The following FLI1 variants were observed in gnomAD, a reference collection of about 807,000 sequenced individuals.
FLI1 encodes Friend leukemia integration 1 transcription factor.
Under a neutral mutation model 53.1 loss-of-function variants are expected in FLI1, and 13 were observed. The observed-to-expected ratio is 0.24, with a 90% CI of 0.16 to 0.39. The LOEUF is 0.39. FLI1 is among the 10% of genes least tolerant of loss of function. FLI1 has a pLI of 1.00. For missense variants in FLI1, 424 were observed against 600.5 expected (o/e 0.71, Z 3.07); for synonymous variants, 244 against 236.7 (o/e 1.03, Z -0.28).
chr11:128,767,980 A>G, intron 2 of FLI1, 138 bp from the exon 3 acceptor site: 1 of 686,250 alleles, frequency 1.5e-6, no homozygotes, highest in Non-Finnish European at 2.4e-6. Context: ...AGAGGGCATC[A>G]TCATCATCAT....
intron 1 of FLI1, among the ~76,000 whole-genome samples, chr11:128,753,843 C>A (rs1940750414): frequency 6.6e-6 from 1 of 152,212 alleles, no homozygotes; most frequent in South Asian, 2.1e-4. Flanking sequence ...TTGGAGAGGG[C>A]TCCCTACTAC....
At chr11:128,792,275 T>C (rs1001216250) in intron 5 of FLI1, among the ~76,000 whole-genome samples, 2 of 152,132 alleles carry the variant, frequency 1.3e-5, no homozygotes, top group Non-Finnish European at 2.9e-5. Context: ...ACCACCCCCA[T>C]CATGCATTTC....
Position 128,811,925 on chromosome 11 carries a change from C to T in FLI1, c.*937C>T, listed in dbSNP as rs956914905. ...TAAATAAACGAGTTGACCTCGGTCA[C>T]AAAAGCAGTTTTACTATCGAATCAA... On this transcript the variant is annotated 3_prime_UTR_variant, in exon 9 of 9. Transcript: ENST00000527786. The T allele has an allele frequency of 5.0e-6, 1 of 199,958 alleles. No homozygotes were observed. 12.4% of individuals were successfully genotyped at this position (199,958 alleles called of 1,614,324 possible). A position where few individuals can be genotyped will look rare whatever the true frequency, so the allele number is the denominator to read the frequency against.
At position 128,782,022 on chromosome 11, in the gene FLI1, A is replaced by G. The variant is rs374117160; in HGVS notation, c.654A>G (p.Glu218=). 1.4e-4 allele frequency: 223 copies of G among 1,613,328 alleles called. 1 individual carries two copies. In the South Asian group the frequency reaches 2.3e-3, roughly 17 times the overall value. The change falls in exon 5 of 9, where the codon GAA becomes GAG. Residue 218 remains glutamate, a splice_region_variant and synonymous_variant. Transcript: ENST00000527786. ...AATCCTCACGATTGAGTGTCAAAGA[A>G]GGTAAGTTTGTTCTTTTGTGCACTT... ...TDQSSRLSVK[E]DPSYDSVRRG...
At chr11:128,764,526 C>G in intron 2 of FLI1, 1 of 891,046 alleles carries the variant, frequency 1.1e-6, no homozygotes, top group Non-Finnish European at 1.7e-6. Context: ...GCCAGTGGGC[C>G]CCAGCCCCAT....
intron 1 of FLI1, among the ~76,000 whole-genome samples, chr11:128,754,734 G>A (rs376522400): frequency 1.9e-4 from 29 of 152,202 alleles, no homozygotes; most frequent in African/African-American, 5.8e-4. Context: ...GCCAGGGAGC[G>A]CACAAGGTGT....
intron 1 of FLI1, among the ~76,000 whole-genome samples, chr11:128,756,280 G>C (rs994146528): frequency 1.3e-5 from 2 of 152,170 alleles, no homozygotes; most frequent in African/African-American, 4.8e-5. Context: ...TTTCCTCAGA[G>C]GCCTCTCTCC....
At position 128,742,842 on chromosome 11, in the gene FLI1, G is replaced by A. The variant is rs150398686; in HGVS notation, c.19-15273G>A. ...GCATTTGTTGGTTTTACGTGGAATCGTCAGCACATTTTACAGGCCATTCAG... is the reference window on the plus strand; with the variant it reads ...GCATTTGTTGGTTTTACGTGGAATCATCAGCACATTTTACAGGCCATTCAG... On this transcript the variant is annotated intron_variant, in intron 1 of 8. Transcript: ENST00000527786. Among the ~76,000 whole-genome samples the A allele has an allele frequency of 4.8e-3, 724 of 152,280 alleles. 5 individuals are homozygous for A. The highest frequency in any genetic ancestry group is 0.016 in the African/African-American group (658 of 41,552).
At chr11:128,784,172 G>T (rs567219729) in intron 5 of FLI1, among the ~76,000 whole-genome samples, 1 of 151,118 alleles carries the variant, frequency 6.6e-6, no homozygotes, top group Admixed American at 6.6e-5. Context: ...CAGATATAGG[G>T]TTTAGTTTAG....
chr11:128,725,818 C>T (rs1419044094), intron 1 of FLI1, among the ~76,000 whole-genome samples: 1 of 152,106 alleles, frequency 6.6e-6, no homozygotes, highest in East Asian at 1.9e-4. Context: ...AGTGGCAGTC[C>T]GTGCAGGAGA....
intron 4 of FLI1, among the ~76,000 whole-genome samples, chr11:128,773,214 G>A (rs150961013): frequency 6.6e-6 from 1 of 152,296 alleles, no homozygotes; most frequent in East Asian, 1.9e-4. Context: ...GTAGAGAGCT[G>A]TGACCTGGAG....
At chr11:128,697,401 G>A (rs1469944266) in intron 1 of FLI1, among the ~76,000 whole-genome samples, 5 of 152,204 alleles carry the variant, frequency 3.3e-5, no homozygotes, top group East Asian at 1.9e-4. Flanking sequence ...CTACCTAGTA[G>A]CTGTGTGCCT....
chr11:128,686,311 T>A (rs1370294026), upstream of FLI1: 1 of 455,862 alleles, frequency 2.2e-6, no homozygotes, highest in African/African-American at 2.0e-5. Context: ...GCATCCCCAG[T>A]TCGAAACTGC....
intron 1 of FLI1, chr11:128,748,320 G>T: frequency 1.1e-6 from 1 of 929,888 alleles, no homozygotes; most frequent in South Asian, 5.0e-5. Context: ...CACTTGGGAG[G>T]GGGAATGATG....
At chr11:128,717,968 A>G (rs1378720743) in intron 1 of FLI1, among the ~76,000 whole-genome samples, 1 of 152,222 alleles carries the variant, frequency 6.6e-6, no homozygotes, top group Non-Finnish European at 1.5e-5. Context: ...AAGGATCTCT[A>G]AGGTGTTGCT....
chr11:128,721,803 T>C (rs1000582027), intron 1 of FLI1, among the ~76,000 whole-genome samples: 1 of 152,196 alleles, frequency 6.6e-6, no homozygotes, highest in East Asian at 1.9e-4. Flanking sequence ...CGCTCCAGGC[T>C]CTCTAGAAGG....
At chr11:128,711,676 T>C (rs1045303733) in intron 1 of FLI1, among the ~76,000 whole-genome samples, 1 of 152,200 alleles carries the variant, frequency 6.6e-6, no homozygotes, top group African/African-American at 2.4e-5. Context: ...GCGATTTCAG[T>C]TTCTCCATTT....
chr11:128,747,347 C>T (rs1265283898), intron 1 of FLI1, among the ~76,000 whole-genome samples: 2 of 152,176 alleles, frequency 1.3e-5, no homozygotes, highest in Non-Finnish European at 2.9e-5. Flanking sequence ...GAATAGAGTC[C>T]CAGGGAAAAG....
chr11:128,719,258 A>G (rs1431749176), intron 1 of FLI1, among the ~76,000 whole-genome samples: 1 of 148,470 alleles, frequency 6.7e-6, no homozygotes, highest in African/African-American at 2.5e-5. Context: ...TCAGAGTCTC[A>G]GTTTCCTCAT....
Sources: allele counts gnomAD v4.1 joint callset (sites outside exome capture counted in the v4.1 genomes callset), GRCh38; gene constraint gnomAD v4.1.1; transcripts MANE v1.5; gene names NCBI Gene and HGNC (gene_info 2026-07-23, HGNC 2026-07-21).